Variants in PLEKHM3 observed in about 807,000 individuals in gnomAD.
The protein encoded by PLEKHM3 is pleckstrin homology domain containing M3.
A neutral mutation model predicts 81.8 loss-of-function variants in PLEKHM3; 45 were observed. The ratio of observed to expected loss-of-function variants is 0.55; its 90% CI spans 0.43 to 0.71. PLEKHM3 has a LOEUF of 0.71. PLEKHM3 is among the 30% of genes least tolerant of loss of function. The pLI is 0.00. For synonymous variants in PLEKHM3, 352 were observed against 356.4 expected (o/e 0.99, Z 0.14); for missense variants, 788 against 924.3 (o/e 0.85, Z 1.91).
At chr2:207,937,443 G>A (rs912042629) in intron 4 of PLEKHM3, among the ~76,000 whole-genome samples, 3 of 151,942 alleles carry the variant, frequency 2.0e-5, no homozygotes, top group African/African-American at 7.3e-5. Flanking sequence ...AGTGGCGTGC[G>A]CCTGTAGTCC....
chr2:207,859,244 T>G (rs986098662), intron 7 of PLEKHM3, among the ~76,000 whole-genome samples: 2 of 147,582 alleles, frequency 1.4e-5, no homozygotes, highest in African/African-American at 5.0e-5. Context: ...GTTCAAGCAA[T>G]TCTCCTGTCT....
intron 6 of PLEKHM3, among the ~76,000 whole-genome samples, chr2:207,890,980 T>G (rs1175454669): frequency 1.3e-5 from 2 of 152,234 alleles, no homozygotes; most frequent in Admixed American, 1.3e-4. Flanking sequence ...AATAAATATT[T>G]TATTAGTTTT....
intron 5 of PLEKHM3, among the ~76,000 whole-genome samples, chr2:207,921,168 C>A (rs549564380): frequency 2.0e-5 from 3 of 152,258 alleles, no homozygotes; most frequent in East Asian, 3.9e-4. Flanking sequence ...CCTGCCTCAG[C>A]CTCTTGAGTA....
At position 207,861,704 on chromosome 2, in the gene PLEKHM3, A is replaced by G. The variant is rs553500020; in HGVS notation, c.1951-442T>C. Among the ~76,000 whole-genome samples the G allele has an allele frequency of 1.1e-4, 16 of 152,258 alleles. 1 individual carries two copies. The South Asian group carries it at 3.1e-3, about 30-fold the overall frequency. On this transcript the variant is annotated intron_variant, in intron 6 of 7. Transcript: ENST00000427836. Reference sequence around the variant, plus strand: ...GATGAATTAATGGGATAGTTTTTTCACCATCTTCCCCAAGAACATAGAGTA... The same window carrying G: ...GATGAATTAATGGGATAGTTTTTTCGCCATCTTCCCCAAGAACATAGAGTA...
chr2:207,910,982 T>C (rs954625459), intron 5 of PLEKHM3, among the ~76,000 whole-genome samples: 1 of 152,270 alleles, frequency 6.6e-6, no homozygotes, highest in East Asian at 1.9e-4. Flanking sequence ...GGTGATGCCA[T>C]TGGCCAACTG....
At chr2:207,953,824 CAAAAAA>C (rs35813793) in intron 3 of PLEKHM3, among the ~76,000 whole-genome samples, 2 of 97,686 alleles carry the variant, frequency 2.0e-5, no homozygotes, top group Non-Finnish European at 4.3e-5. Flanking sequence ...ACTCTGTCTA[CAAAAAA>C]AAAAAAAAAA....
chr2:207,925,131 TG>T (rs1417992231), intron 5 of PLEKHM3, among the ~76,000 whole-genome samples: 4 of 141,928 alleles, frequency 2.8e-5, no homozygotes, highest in Admixed American at 1.4e-4. Flanking sequence ...TGAACAGGGT[TG>T]TTTTTTTGTT....
intron 6 of PLEKHM3, among the ~76,000 whole-genome samples, chr2:207,876,369 T>C (rs1467572227): frequency 1.3e-5 from 2 of 152,346 alleles, no homozygotes; most frequent in East Asian, 1.9e-4. Context: ...ATAAACATTA[T>C]AAAAATGTAG....
rs1306842006 is a variant in PLEKHM3, at chr2:207,824,583, T to C, written c.*3736A>G. On this transcript the variant is annotated 3_prime_UTR_variant, in exon 8 of 8. Coordinates refer to ENST00000427836, the MANE Select transcript of PLEKHM3 (RefSeq NM_001080475.3). ...TGCTAGTCCCACCTGGATATACTAA[T>C]TTATGGACGGCCTTTTCTAGCCAAT... The C allele has an allele frequency of 2.0e-5, 3 of 152,342 alleles. No individual in the cohort carries two copies. The East Asian group carries it at 5.8e-4, about 29-fold the overall frequency. The allele number at this position is 152,342 out of a possible 1,614,324, so 9.4% of individuals were successfully genotyped here. A position where few individuals can be genotyped will look rare whatever the true frequency, so the allele number is the denominator to read the frequency against.
chr2:207,923,898 TATATA>T (rs1206300242), intron 5 of PLEKHM3, among the ~76,000 whole-genome samples: 20 of 90,792 alleles, frequency 2.2e-4, no homozygotes, highest in Non-Finnish European at 3.0e-4. Context: ...TATATATATA[TATATA>T]TATTTTTTTT....
At chr2:207,956,235 G>A (rs142788452) in intron 3 of PLEKHM3, among the ~76,000 whole-genome samples, 2,878 of 152,262 alleles carry the variant, frequency 0.019, 94 homozygotes, top group African/African-American at 0.065. Flanking sequence ...GGGAGGCTAA[G>A]GCAGGCAGAT....
At chr2:207,899,505 A>T (rs1257374469) in intron 6 of PLEKHM3, among the ~76,000 whole-genome samples, 3 of 152,186 alleles carry the variant, frequency 2.0e-5, no homozygotes, top group African/African-American at 7.2e-5. Flanking sequence ...ATGCTTAATA[A>T]ATATTTGCTG....
chr2:208,020,415 A>G (rs1693086831), intron 1 of PLEKHM3, among the ~76,000 whole-genome samples: 1 of 152,268 alleles, frequency 6.6e-6, no homozygotes. Context: ...GTTTTTGCTC[A>G]TAACTCATAC....
intron 5 of PLEKHM3, among the ~76,000 whole-genome samples, chr2:207,928,665 T>C (rs536664395): frequency 3.9e-5 from 6 of 152,362 alleles, no homozygotes; most frequent in African/African-American, 1.2e-4. Context: ...TGGGCAGATC[T>C]TGAATTCTAT....
chr2:207,925,542 G>A lies in PLEKHM3; in HGVS notation c.1886+5384C>T, dbSNP rs80119390. ...TCCTTATGAGGTGGTATTGTCTCCA[G>A]GTGAGAAAACTGGCTCTGAAAGCTA... is the stretch of plus-strand genomic sequence containing the variant. On this transcript the variant is annotated intron_variant, in intron 5 of 7. Coordinates refer to ENST00000427836, the MANE Select transcript of PLEKHM3 (RefSeq NM_001080475.3). 2.0e-4 allele frequency among the ~76,000 whole-genome samples: 30 copies of A among 152,340 alleles called. No individual in the cohort carries two copies. The East Asian group carries it at 5.6e-3, about 28-fold the overall frequency.
chr2:207,854,902 TG>T (rs1017731829), intron 7 of PLEKHM3, among the ~76,000 whole-genome samples: 11 of 152,206 alleles, frequency 7.2e-5, no homozygotes, highest in African/African-American at 2.7e-4. Flanking sequence ...TTCTTTTTTC[TG>T]GGGTGATTCA....
intron 5 of PLEKHM3, among the ~76,000 whole-genome samples, chr2:207,925,982 A>G (rs1462075247): frequency 6.6e-6 from 1 of 151,360 alleles, no homozygotes; most frequent in Non-Finnish European, 1.5e-5. Flanking sequence ...ACATCGACAA[A>G]CTCTGTTCTT....
intron 5 of PLEKHM3, among the ~76,000 whole-genome samples, chr2:207,911,947 G>A (rs547961666): frequency 5.3e-5 from 8 of 152,276 alleles, no homozygotes; most frequent in African/African-American, 1.9e-4. Context: ...TATGATTAGG[G>A]ATATACAGGA....
At chr2:207,942,347 C>CA (rs1368905582) in intron 4 of PLEKHM3, among the ~76,000 whole-genome samples, 2 of 151,544 alleles carry the variant, frequency 1.3e-5, no homozygotes, top group Non-Finnish European at 2.9e-5. Context: ...GACTCTTTTA[C>CA]AAAAAAATAC....
Sources: allele counts gnomAD v4.1 joint callset (sites outside exome capture counted in the v4.1 genomes callset), GRCh38; gene constraint gnomAD v4.1.1; transcripts MANE v1.5; gene names NCBI Gene and HGNC (gene_info 2026-07-23, HGNC 2026-07-21).